Variants in AFG2A observed in about 807,000 individuals in gnomAD.
AFG2A encodes ATPase family gene 2 protein homolog A.
At chr4:123,196,004 TTG>T in the AFG2A span, among the ~76,000 whole-genome samples, 3 of 14,550 alleles carry the variant, frequency 2.1e-4, no homozygotes, top group African/African-American at 1.9e-3. Context: ...GTTACCATCC[TTG>T]TTTTTTTTTT....
the AFG2A span, among the ~76,000 whole-genome samples, chr4:123,093,828 C>T: frequency 3.3e-5 from 5 of 152,164 alleles, no homozygotes; most frequent in Non-Finnish European, 7.3e-5. Context: ...CTTGTGCCAG[C>T]ATCATCTTTA....
chr4:123,249,314 G>T, the AFG2A span, among the ~76,000 whole-genome samples: 1 of 152,150 alleles, frequency 6.6e-6, no homozygotes, highest in East Asian at 1.9e-4. Flanking sequence ...CTAACTGGGT[G>T]TTTAGGTGCT....
chr4:122,980,848 T>G, the AFG2A span, among the ~76,000 whole-genome samples: 1 of 152,200 alleles, frequency 6.6e-6, no homozygotes, highest in South Asian at 2.1e-4. Flanking sequence ...TTGTTTGTTT[T>G]TTTTTGCTTT....
At chr4:123,162,454 A>G in the AFG2A span, among the ~76,000 whole-genome samples, 6 of 152,228 alleles carry the variant, frequency 3.9e-5, no homozygotes, top group African/African-American at 1.4e-4. Context: ...AAAAGGGAAA[A>G]TTAATAGTGT....
At chr4:123,112,051 A>G in the AFG2A span, among the ~76,000 whole-genome samples, 221 of 152,294 alleles carry the variant, frequency 1.5e-3, no homozygotes, top group Middle Eastern at 0.014. Flanking sequence ...GAACTTTATG[A>G]ACACTATTAA....
chr4:123,300,124 T>C, the AFG2A span, among the ~76,000 whole-genome samples: 1 of 152,174 alleles, frequency 6.6e-6, no homozygotes, highest in Non-Finnish European at 1.5e-5. Context: ...TATTCTCTTA[T>C]TAGCATTCTT....
chr4:123,235,934 C>A, the AFG2A span, among the ~76,000 whole-genome samples: 2 of 152,078 alleles, frequency 1.3e-5, no homozygotes, highest in Admixed American at 6.5e-5. Flanking sequence ...CAATAAATTT[C>A]TTTCTTAAGT....
chr4:123,287,580 T>G, the AFG2A span, among the ~76,000 whole-genome samples: 1 of 152,360 alleles, frequency 6.6e-6, no homozygotes, highest in Non-Finnish European at 1.5e-5. Flanking sequence ...TTTTATGCTC[T>G]TCATATATTT....
At chr4:123,002,384 A>G in the AFG2A span, among the ~76,000 whole-genome samples, 1 of 152,164 alleles carries the variant, frequency 6.6e-6, no homozygotes, top group Non-Finnish European at 1.5e-5. Flanking sequence ...TAGTTGATGC[A>G]GTTTCTTCCT....
At chr4:122,945,412 A>C in the AFG2A span, among the ~76,000 whole-genome samples, 1,516 of 152,314 alleles carry the variant, frequency 1.0e-2, 33 homozygotes, top group African/African-American at 0.035. Context: ...TGTGCTAGCA[A>C]TCAGCGAGAC....
chr4:123,131,623 C>T, the AFG2A span, among the ~76,000 whole-genome samples: 3 of 152,002 alleles, frequency 2.0e-5, no homozygotes, highest in Admixed American at 6.6e-5. Context: ...TTTAGCATAA[C>T]GTCCTCAAGA....
the AFG2A span, among the ~76,000 whole-genome samples, chr4:123,187,203 T>C: frequency 6.6e-6 from 1 of 152,160 alleles, no homozygotes; most frequent in South Asian, 2.1e-4. Flanking sequence ...CTGCTGTTGT[T>C]CTTTATGGTG....
chr4:123,062,373 T>C, the AFG2A span, among the ~76,000 whole-genome samples: 1 of 152,246 alleles, frequency 6.6e-6, no homozygotes, highest in Admixed American at 6.5e-5. Context: ...AACAATCATC[T>C]GCAGTACTTT....
the AFG2A span, chr4:122,979,415 C>T: frequency 1.2e-6 from 2 of 1,603,496 alleles, no homozygotes; most frequent in Non-Finnish European, 1.7e-6. Context: ...ACACTAGCTA[C>T]ACTGTTTGAA....
At chr4:123,235,850 G>A in the AFG2A span, among the ~76,000 whole-genome samples, 1 of 152,116 alleles carries the variant, frequency 6.6e-6, no homozygotes, top group Non-Finnish European at 1.5e-5. Flanking sequence ...TATAAATATT[G>A]TTACCTCCAC....
chr4:123,150,761 G>T, the AFG2A span, among the ~76,000 whole-genome samples: 1 of 152,008 alleles, frequency 6.6e-6, no homozygotes, highest in Non-Finnish European at 1.5e-5. Context: ...AGAATTAGAA[G>T]AAACTACTTT....
chr4:123,113,395 C>CAGTTAGAGCCTTTGCTCACTTAT, the AFG2A span, among the ~76,000 whole-genome samples: 1 of 151,806 alleles, frequency 6.6e-6, no homozygotes, highest in Non-Finnish European at 1.5e-5. Context: ...TCTGTACTGT[C>CAGTTAGAGCCTTTGCTCACTTAT]AGAGCCTTTG....
At chr4:123,058,889 A>T in the AFG2A span, among the ~76,000 whole-genome samples, 1 of 152,182 alleles carries the variant, frequency 6.6e-6, no homozygotes, top group Admixed American at 6.5e-5. Context: ...TCAAAGTCTT[A>T]ACTCATTTCA....
At chr4:122,995,206 A>G in the AFG2A span, among the ~76,000 whole-genome samples, 1 of 152,054 alleles carries the variant, frequency 6.6e-6, no homozygotes, top group Admixed American at 6.5e-5. Flanking sequence ...GGTTTCTATG[A>G]TGCTTTATTA....
Sources: gnomAD v4.1 joint callset for allele counts (sites outside exome capture counted in the v4.1 genomes callset) on GRCh38, gnomAD v4.1.1 for gene constraint, MANE v1.5 for transcripts, NCBI Gene and HGNC (gene_info 2026-07-23, HGNC 2026-07-21) for gene names.